The following KIAA0513 variants were observed in gnomAD, a reference collection of about 807,000 sequenced individuals.
KIAA0513 encodes KIAA0513.
In KIAA0513, 39 loss-of-function variants were observed where a neutral mutation model predicts 56.5. The observed-to-expected ratio is 0.69, with a 90% CI of 0.53 to 0.90. The LOEUF (loss-of-function observed/expected upper bound fraction) is 0.90. Ranked by LOEUF, KIAA0513 falls within the 40% of genes least tolerant of loss-of-function variation. The pLI, the probability that KIAA0513 is intolerant of heterozygous loss-of-function variation, is 0.00. For synonymous variants in KIAA0513, 268 were observed against 215.6 expected, an observed-to-expected ratio of 1.24 and a Z score of -2.13; for missense variants, 591 against 535.2, an observed-to-expected ratio of 1.10 and a Z score of -1.03.
intron 10 of KIAA0513, among the ~76,000 whole-genome samples, chr16:85,083,924 C>T (rs2073777299): frequency 6.6e-6 from 1 of 152,202 alleles, no homozygotes; most frequent in Non-Finnish European, 1.5e-5. Context: ...GCAGACGATT[C>T]TGCATTTCAG....
At chr16:85,030,540 A>C (rs914194469) in intron 1 of KIAA0513, among the ~76,000 whole-genome samples, 1 of 152,126 alleles carries the variant, frequency 6.6e-6, no homozygotes, top group Non-Finnish European at 1.5e-5. Context: ...TGAGGTCAGG[A>C]GTTCGAGACC....
At chr16:85,042,454 C>T (rs1243723464) in intron 1 of KIAA0513, among the ~76,000 whole-genome samples, 2 of 152,120 alleles carry the variant, frequency 1.3e-5, no homozygotes, top group Non-Finnish European at 2.9e-5. Context: ...TTGTCCATAC[C>T]CGCAATATTG....
chr16:85,044,740 T>C (rs1363347898), intron 1 of KIAA0513, among the ~76,000 whole-genome samples: 1 of 151,794 alleles, frequency 6.6e-6, no homozygotes, highest in African/African-American at 2.4e-5. Flanking sequence ...ACTCCTGACC[T>C]CATGATCCGC....
chr16:85,061,609 C>T lies in KIAA0513; in HGVS notation c.-172-5291C>T, dbSNP rs180673053. On this transcript the variant is annotated intron_variant, in intron 1 of 12. Coordinates refer to ENST00000683363, the MANE Select transcript of KIAA0513 (RefSeq NM_001388359.1). ...AGGTTGATGGGAAGGGGCAGGCTCACAGAAAGTTCCAGATTCTCCCTGCAG... is the reference window on the plus strand; with the variant it reads ...AGGTTGATGGGAAGGGGCAGGCTCATAGAAAGTTCCAGATTCTCCCTGCAG... Among the ~76,000 whole-genome samples the T allele has an allele frequency of 7.2e-5, 11 of 152,288 alleles. No individual in the cohort carries two copies. The East Asian group carries it at 2.1e-3, about 29-fold the overall frequency.
At chr16:85,037,083 G>A (rs1415940187) in intron 1 of KIAA0513, among the ~76,000 whole-genome samples, 1 of 152,126 alleles carries the variant, frequency 6.6e-6, no homozygotes, top group African/African-American at 2.4e-5. Flanking sequence ...GGAGAGAGAA[G>A]GGGATTATTT....
intron 6 of KIAA0513, 74 bp downstream of exon 6, chr16:85,077,706 A>G: frequency 8.9e-7 from 1 of 1,123,482 alleles, no homozygotes; most frequent in East Asian, 2.4e-5. Context: ...GGACGGGGGC[A>G]GCAGGGAGGG....
chr16:85,080,615 G>A (rs1401517388), intron 8 of KIAA0513, among the ~76,000 whole-genome samples: 1 of 152,096 alleles, frequency 6.6e-6, no homozygotes, highest in Non-Finnish European at 1.5e-5. Flanking sequence ...TCAACATGGC[G>A]AAACCCCCAT....
At chr16:85,064,977 G>A (rs937732496) in intron 1 of KIAA0513, among the ~76,000 whole-genome samples, 1 of 152,192 alleles carries the variant, frequency 6.6e-6, no homozygotes. Flanking sequence ...GAGCCACCGC[G>A]CCCGGCCTAT....
chr16:85,081,166 G>A lies in KIAA0513; in HGVS notation c.903-149G>A. 1.4e-6 allele frequency: 1 copy of A among 704,400 alleles called. No individual in the cohort carries two copies. The highest frequency in any genetic ancestry group is 2.5e-6 in the Non-Finnish European group (1 of 399,500). The allele number at this position is 704,400 out of a possible 1,614,324, so 43.6% of individuals were successfully genotyped here. On this transcript the variant is annotated intron_variant, in intron 8 of 12. Transcript: ENST00000683363. This position sits in a 1 kb window ranked among gnomAD's most constrained non-coding sequence, Gnocchi z 4.4. ...GTAATTAGATCAAGCCATATGCTCA[G>A]TTTTTCCTTCTCAGCCCTACCTCTC...
intron 1 of KIAA0513, among the ~76,000 whole-genome samples, chr16:85,035,319 G>C (rs1387585396): frequency 6.6e-6 from 1 of 152,214 alleles, no homozygotes; most frequent in African/African-American, 2.4e-5. Flanking sequence ...GCATGGAGCA[G>C]GTGACGAAGA....
chr16:85,057,757 C>CTTTTTTTTTTT (rs1460366309), intron 1 of KIAA0513, among the ~76,000 whole-genome samples: 1 of 147,776 alleles, frequency 6.8e-6, no homozygotes, highest in African/African-American at 2.6e-5. Context: ...GCTGCCTCTG[C>CTTTTTTTTTTT]TTTTTGTTTT....
At position 85,081,134 on chromosome 16, in the gene KIAA0513, A is replaced by G; in HGVS notation, c.903-181A>G. ...ACGCAGCCGCTGGGAGCCCCAGGGA[A>G]ACAGCTGTAATTAGATCAAGCCATA... is the stretch of plus-strand genomic sequence containing the variant. On this transcript the variant is annotated intron_variant, in intron 8 of 12. Transcript: ENST00000683363. The surrounding 1 kb of genome is among the most constrained non-coding windows in gnomAD (Gnocchi z 4.4). Among the ~76,000 whole-genome samples, 1 of 151,818 alleles carries G rather than the reference A, an allele frequency of 6.6e-6. No individual in the cohort carries two copies. The highest frequency in any genetic ancestry group is 1.5e-5 in the Non-Finnish European group (1 of 67,908).
At chr16:85,060,761 T>C (rs576014553) in intron 1 of KIAA0513, among the ~76,000 whole-genome samples, 2 of 151,728 alleles carry the variant, frequency 1.3e-5, no homozygotes, top group Admixed American at 1.3e-4. Flanking sequence ...GGAGGATCAC[T>C]TGAGCACAGG....
At chr16:85,077,681 G>A in intron 6 of KIAA0513, 49 bp downstream of exon 6, 2 of 1,449,064 alleles carry the variant, frequency 1.4e-6, no homozygotes, top group South Asian at 1.3e-5. Context: ...CTGGGGAGAG[G>A]CTGGTGTGGA....
At chr16:85,064,365 T>C (rs538175525) in intron 1 of KIAA0513, among the ~76,000 whole-genome samples, 2 of 152,338 alleles carry the variant, frequency 1.3e-5, no homozygotes, top group East Asian at 3.9e-4. Flanking sequence ...GGATTATAAA[T>C]ACTGTTGCAA....
intron 1 of KIAA0513, among the ~76,000 whole-genome samples, chr16:85,034,963 C>T (rs1339193663): frequency 6.6e-6 from 1 of 152,194 alleles, no homozygotes; most frequent in Admixed American, 6.5e-5. Flanking sequence ...CCCCCTGTCA[C>T]CGGAGACAAG....
At chr16:85,061,863 C>G (rs2073410097) in intron 1 of KIAA0513, among the ~76,000 whole-genome samples, 1 of 152,182 alleles carries the variant, frequency 6.6e-6, no homozygotes, top group Non-Finnish European at 1.5e-5. Flanking sequence ...GAAACCCCCT[C>G]CAGAATACAG....
chr16:85,065,530 G>A (rs1168649840), intron 1 of KIAA0513, among the ~76,000 whole-genome samples: 2 of 152,124 alleles, frequency 1.3e-5, no homozygotes, highest in African/African-American at 4.8e-5. Flanking sequence ...TCTGACTCAG[G>A]GTATTTAAAA....
intron 1 of KIAA0513, among the ~76,000 whole-genome samples, chr16:85,035,953 T>G (rs2073030470): frequency 7.5e-6 from 1 of 134,136 alleles, no homozygotes; most frequent in Non-Finnish European, 1.5e-5. Context: ...CACTCCAGCC[T>G]GGGCAACAGA....
Sources: gnomAD v4.1 joint callset for allele counts (sites outside exome capture counted in the v4.1 genomes callset) on GRCh38, gnomAD v4.1.1 for gene constraint, Gnocchi (gnomAD v3.1) non-coding constraint, MANE v1.5 for transcripts, NCBI Gene and HGNC (gene_info 2026-07-23, HGNC 2026-07-21) for gene names.